The following SPATA9 variants were observed in gnomAD, a reference collection of about 807,000 sequenced individuals.
The protein encoded by SPATA9 is spermatogenesis associated 9.
Under a neutral mutation model 25.5 loss-of-function variants are expected in SPATA9, and 27 were observed. The observed-to-expected ratio is 1.06, with a 90% CI of 0.78 to 1.46. The LOEUF is 1.46. Among genes scored for constraint, SPATA9 ranks in the 40% most tolerant of loss-of-function variants. The pLI, the probability that SPATA9 is intolerant of heterozygous loss-of-function variation, is 0.00. For synonymous variants in SPATA9, 102 were observed against 105.7 expected (o/e 0.97, Z 0.21); for missense variants, 282 against 297.5 (o/e 0.95, Z 0.38).
At chr5:95,708,281 A>G in the SPATA9 span, among the ~76,000 whole-genome samples, 6 of 152,130 alleles carry the variant, frequency 3.9e-5, no homozygotes, top group Non-Finnish European at 1.5e-5. Flanking sequence ...CAAAGGCCGG[A>G]TTGGCTTGCA....
chr5:95,731,538 C>G, the SPATA9 span: 1 of 1,411,282 alleles, frequency 7.1e-7, no homozygotes, highest in Non-Finnish European at 9.2e-7. Flanking sequence ...CCCCGCTCTG[C>G]GTCGGCCCCG....
intron 3 of SPATA9, among the ~76,000 whole-genome samples, chr5:95,675,145 T>A (rs578129551): frequency 9.2e-5 from 14 of 152,338 alleles, no homozygotes; most frequent in Non-Finnish European, 1.8e-4. Flanking sequence ...AAGATTTCTG[T>A]TAGATTTAAC....
chr5:95,652,397 A>G (rs545624298), downstream of SPATA9: 3 of 1,533,014 alleles, frequency 2.0e-6, no homozygotes, highest in South Asian at 2.5e-5. Flanking sequence ...TCTCGACTTT[A>G]GTCTCATATA....
chr5:95,693,039 T>C (rs1320484830), intron 1 of SPATA9, among the ~76,000 whole-genome samples: 3 of 152,248 alleles, frequency 2.0e-5, no homozygotes, highest in Non-Finnish European at 2.9e-5. Context: ...ACAAATTGTA[T>C]TTTCATCAAG....
chr5:95,707,855 C>T, the SPATA9 span, among the ~76,000 whole-genome samples: 1 of 152,104 alleles, frequency 6.6e-6, no homozygotes, highest in Non-Finnish European at 1.5e-5. Flanking sequence ...AGTCTAAAAA[C>T]AGAGTTAGTA....
chr5:95,723,305 A>G, the SPATA9 span, among the ~76,000 whole-genome samples: 2 of 152,272 alleles, frequency 1.3e-5, no homozygotes, highest in Non-Finnish European at 2.9e-5. Flanking sequence ...CACAGGTTGG[A>G]CAAGCTTACT....
intron 1 of SPATA9, 66 bp from the exon 2 acceptor site, chr5:95,682,682 A>G: frequency 1.3e-6 from 2 of 1,510,740 alleles, no homozygotes; most frequent in Non-Finnish European, 1.8e-6. Context: ...TCAAAAGAAC[A>G]TGAAACACTT....
chr5:95,728,102 A>G, the SPATA9 span, among the ~76,000 whole-genome samples: 1 of 152,230 alleles, frequency 6.6e-6, no homozygotes, highest in African/African-American at 2.4e-5. Context: ...GGCCCTACCT[A>G]TATGCACAAA....
chr5:95,664,539 C>A (rs1041454922), intron 3 of SPATA9, among the ~76,000 whole-genome samples: 3 of 152,168 alleles, frequency 2.0e-5, no homozygotes, highest in Non-Finnish European at 2.9e-5. Flanking sequence ...AGAAAATGTT[C>A]TGTGCTCATA....
At chr5:95,707,407 G>A in the SPATA9 span, among the ~76,000 whole-genome samples, 56 of 152,148 alleles carry the variant, frequency 3.7e-4, 1 homozygote, top group East Asian at 5.4e-3. Flanking sequence ...GCCGGCGACC[G>A]AGAGACGGCT....
In SPATA9 at chr5:95,692,078, T is replaced by A. The variant is rs565548439; in HGVS notation, n.124+6510A>T. Among the ~76,000 whole-genome samples the A allele has an allele frequency of 3.3e-5, 5 of 152,300 alleles. No homozygotes were observed. In the East Asian group the frequency reaches 9.6e-4, roughly 29 times the overall value. On this transcript the variant is annotated intron_variant and non_coding_transcript_variant, in intron 1 of 2. Transcript: ENST00000379990. ...ATTTGTATTTGATATCTTGCTAGAT[T>A]TCATTTATAATTTTTGCCACTATAT...
chr5:95,691,297 A>G (rs1753884801), intron 1 of SPATA9, among the ~76,000 whole-genome samples: 1 of 152,096 alleles, frequency 6.6e-6, no homozygotes, highest in Non-Finnish European at 1.5e-5. Context: ...ACTTTCATCC[A>G]TCTGAATATC....
chr5:95,696,408 A>G (rs560477515), intron 1 of SPATA9, among the ~76,000 whole-genome samples: 2 of 152,230 alleles, frequency 1.3e-5, no homozygotes, highest in South Asian at 4.1e-4. Flanking sequence ...AGTACCATAG[A>G]AAACATTTGT....
chr5:95,668,008 T>G (rs1344100861), intron 3 of SPATA9, among the ~76,000 whole-genome samples: 3 of 152,182 alleles, frequency 2.0e-5, no homozygotes, highest in African/African-American at 7.2e-5. Context: ...GTAAGTTCCC[T>G]GAGGCCTCCC....
At chr5:95,654,189 TTTTCTACC>T (rs1350559842), downstream of SPATA9, 2 of 1,613,066 alleles carry the variant, frequency 1.2e-6, no homozygotes, top group African/African-American at 2.7e-5. Context: ...GAAGTGGTCA[TTTTCTACC>T]ACAAGGGAGA....
At chr5:95,660,154 G>C (rs1250392673) in intron 4 of SPATA9, among the ~76,000 whole-genome samples, 3 of 152,098 alleles carry the variant, frequency 2.0e-5, no homozygotes, top group Admixed American at 1.3e-4. Flanking sequence ...CGAGATCAAG[G>C]CACTGGCAGA....
chr5:95,658,869 G>A lies in SPATA9; in HGVS notation c.519C>T (p.Phe173=). 6.2e-7 allele frequency: 1 copy of A among 1,613,720 alleles called. No homozygotes were observed. The highest frequency in any genetic ancestry group is 8.5e-7 in the Non-Finnish European group (1 of 1,179,848). Residue 173 remains phenylalanine, a synonymous_variant, in exon 5 of 5, where the codon TTC becomes TTT. Transcript: ENST00000274432. ...TTTGCCTTATGGATTCTTCTTCCTG[G>A]AAGATGTTCTTTACCTTCTTCAGCA... ...NAVLKKVKNI[F]QEEESIRQNR...
chr5:95,653,362 G>C (rs1750479633), downstream of SPATA9: 3 of 1,165,478 alleles, frequency 2.6e-6, no homozygotes, highest in Non-Finnish European at 3.5e-6. Context: ...GACAATCAAA[G>C]AATCCTGCTT....
the SPATA9 span, among the ~76,000 whole-genome samples, chr5:95,724,028 G>A: frequency 6.6e-5 from 10 of 152,160 alleles, no homozygotes; most frequent in African/African-American, 9.7e-5. Context: ...ATGGTGATAC[G>A]TCATTTGATA....
Sources: gnomAD v4.1 joint callset for allele counts (sites outside exome capture counted in the v4.1 genomes callset) on GRCh38, gnomAD v4.1.1 for gene constraint, MANE v1.5 for transcripts, NCBI Gene and HGNC (gene_info 2026-07-23, HGNC 2026-07-21) for gene names.